The following PPP1R12B variants were observed in gnomAD, a reference collection of about 807,000 sequenced individuals.
PPP1R12B encodes the protein myosin phosphatase target subunit 2.
A neutral mutation model predicts 126.1 loss-of-function variants in PPP1R12B; 76 were observed. The observed-to-expected ratio is 0.60, with a 90% confidence interval of 0.50 to 0.73. The LOEUF (loss-of-function observed/expected upper bound fraction) is 0.73. Among genes scored for constraint, PPP1R12B ranks in the 30% least tolerant of loss-of-function variants. The probability of loss-of-function intolerance (pLI) is 0.00; values close to 1 mark genes in which losing one functional copy is unlikely to be tolerated. For missense variants in PPP1R12B, 1,052 were observed against 1,205.1 expected, an observed-to-expected ratio of 0.87 and a Z score of 1.88; for synonymous variants, 356 against 434.7, an observed-to-expected ratio of 0.82 and a Z score of 2.25.
chr1:202,417,062 A>G (rs1270464521), intron 2 of PPP1R12B, 145 bp downstream of exon 2: 6 of 1,129,672 alleles, frequency 5.3e-6, no homozygotes, highest in Non-Finnish European at 5.8e-6. Flanking sequence ...AATTATCTTT[A>G]AGCCATAACT....
At chr1:202,521,633 A>G (rs1384285471) in intron 18 of PPP1R12B, among the ~76,000 whole-genome samples, 1 of 152,224 alleles carries the variant, frequency 6.6e-6, no homozygotes, top group Non-Finnish European at 1.5e-5. Flanking sequence ...TTACAGAATT[A>G]GGAAATAGAA....
Position 202,348,755 on chromosome 1 carries a change from C to CAGA in PPP1R12B, c.-97_-96insAGA. On this transcript the variant is annotated 5_prime_UTR_variant, in exon 1 of 24. Coordinates refer to ENST00000608999, the MANE Select transcript of PPP1R12B (RefSeq NM_002481.4). ...GCGCGAGGGTCTCCGCCCTCTGCTC[C>CAGA]GGGCTGAAGCGCTCTGAGAGAGGCG... 7.0e-7 allele frequency: 1 copy of CAGA among 1,431,756 alleles called. No individual in the cohort carries two copies. Among genetic ancestry groups the CAGA allele is most frequent in the Non-Finnish European group, 9.3e-7 (1 of 1,078,998 alleles). The allele number at this position is 1,431,756 out of a possible 1,614,324, so 88.7% of individuals were successfully genotyped here.
chr1:202,570,393 G>T (rs1688478706), intron 23 of PPP1R12B, among the ~76,000 whole-genome samples: 1 of 152,066 alleles, frequency 6.6e-6, no homozygotes, highest in African/African-American at 2.4e-5. Flanking sequence ...TATAATTCCA[G>T]AATGAAGGAG....
chr1:202,541,342 G>T (rs1326281642), intron 18 of PPP1R12B, among the ~76,000 whole-genome samples: 2 of 152,148 alleles, frequency 1.3e-5, no homozygotes, highest in Non-Finnish European at 2.9e-5. Flanking sequence ...CTCAGCTAGG[G>T]ATGAGAATAC....
At chr1:202,389,849 C>G (rs185443772) in intron 1 of PPP1R12B, among the ~76,000 whole-genome samples, 1 of 151,218 alleles carries the variant, frequency 6.6e-6, no homozygotes, top group Admixed American at 6.6e-5. Flanking sequence ...ATTGCTTGAG[C>G]CTGGGAGGCG....
intron 1 of PPP1R12B, among the ~76,000 whole-genome samples, chr1:202,372,181 A>T (rs1189955012): frequency 1.3e-5 from 2 of 151,672 alleles, no homozygotes; most frequent in African/African-American, 4.8e-5. Flanking sequence ...CCTTCATTAT[A>T]TTTTCCAATC....
intron 1 of PPP1R12B, among the ~76,000 whole-genome samples, chr1:202,355,354 A>C (rs578244316): frequency 2.4e-4 from 36 of 152,324 alleles, no homozygotes; most frequent in African/African-American, 7.9e-4. Flanking sequence ...CAGGTTTGGA[A>C]ACAGATAAAT....
chr1:202,556,821 T>C (rs1687003860), intron 18 of PPP1R12B, among the ~76,000 whole-genome samples: 1 of 152,190 alleles, frequency 6.6e-6, no homozygotes, highest in Non-Finnish European at 1.5e-5. Flanking sequence ...TGCTTTACAT[T>C]TGCTGGTATG....
chr1:202,588,358 G>A lies in PPP1R12B; in HGVS notation c.*7798G>A, dbSNP rs946152120. On this transcript the variant is annotated 3_prime_UTR_variant, in exon 24 of 24. Coordinates refer to ENST00000608999, the MANE Select transcript of PPP1R12B (RefSeq NM_002481.4). Reference sequence around the variant, plus strand: ...GGTTGGGGTTGTTTAGGGAGAAGCAGCCAGACTTGCTTTGTGAACTGAATG... The same window carrying A: ...GGTTGGGGTTGTTTAGGGAGAAGCAACCAGACTTGCTTTGTGAACTGAATG... The A allele has an allele frequency of 6.6e-6, 1 of 152,624 alleles. No individual in the cohort carries two copies. Among genetic ancestry groups the A allele is most frequent in the Admixed American group, 6.5e-5 (1 of 15,280 alleles). The allele number at this position is 152,624 out of a possible 1,614,324, so 9.5% of individuals were successfully genotyped here.
intron 2 of PPP1R12B, among the ~76,000 whole-genome samples, chr1:202,420,967 CTTTTT>C (rs56164548): frequency 7.6e-5 from 9 of 118,546 alleles, no homozygotes; most frequent in Admixed American, 2.0e-4. Flanking sequence ...CCTCTGCCAA[CTTTTT>C]TTTTTTTTTT....
chr1:202,392,208 A>C (rs1664237290), intron 1 of PPP1R12B, among the ~76,000 whole-genome samples: 1 of 152,294 alleles, frequency 6.6e-6, no homozygotes, highest in Admixed American at 6.5e-5. Context: ...CATTATTCAT[A>C]ATAACCAAAG....
At chr1:202,415,080 G>A (rs1294098021) in intron 1 of PPP1R12B, among the ~76,000 whole-genome samples, 1 of 152,048 alleles carries the variant, frequency 6.6e-6, no homozygotes, top group Non-Finnish European at 1.5e-5. Flanking sequence ...TGCCTGGCCC[G>A]AGGTGCTTTT....
At chr1:202,537,192 C>T (rs1450614812) in intron 18 of PPP1R12B, among the ~76,000 whole-genome samples, 1 of 151,728 alleles carries the variant, frequency 6.6e-6, no homozygotes, top group African/African-American at 2.4e-5. Context: ...ACTAAAAATA[C>T]AAAAAAAGAA....
At chr1:202,377,839 T>TC (rs1338661393) in intron 1 of PPP1R12B, among the ~76,000 whole-genome samples, 2 of 46,212 alleles carry the variant, frequency 4.3e-5, no homozygotes, top group Non-Finnish European at 1.2e-4. Flanking sequence ...GGTGTTTTTT[T>TC]TTTTTTTTTT....
chr1:202,439,676 C>T, intron 10 of PPP1R12B: 1 of 648,192 alleles, frequency 1.5e-6, no homozygotes, highest in Non-Finnish European at 2.8e-6. Context: ...CCCCCTTCTC[C>T]AAGTTGGAGG....
At chr1:202,541,091 G>A (rs1685078517) in intron 18 of PPP1R12B, among the ~76,000 whole-genome samples, 1 of 152,138 alleles carries the variant, frequency 6.6e-6, no homozygotes, top group African/African-American at 2.4e-5. Context: ...TAGGTAGCAG[G>A]CAATATAACA....
chr1:202,375,933 C>T (rs2148468290), intron 1 of PPP1R12B, among the ~76,000 whole-genome samples: 1 of 152,304 alleles, frequency 6.6e-6, no homozygotes, highest in African/African-American at 2.4e-5. Flanking sequence ...GGTCAATACA[C>T]TTTAGGCTCT....
chr1:202,487,968 AT>A (rs964326587), intron 13 of PPP1R12B, among the ~76,000 whole-genome samples: 3 of 152,152 alleles, frequency 2.0e-5, no homozygotes, highest in African/African-American at 7.2e-5. Context: ...TATAAATACT[AT>A]TTTTTCCTAT....
At position 202,440,688 on chromosome 1, in the gene PPP1R12B, C is replaced by T; in HGVS notation, c.1459-18C>T. The T allele has an allele frequency of 6.3e-7, 1 of 1,592,846 alleles. No homozygotes were observed. Among genetic ancestry groups the T allele is most frequent in the Non-Finnish European group, 8.6e-7 (1 of 1,161,418 alleles). ...AGTATTGTACCTTTCTTGTGCTTTA[C>T]TTGTTTTTATTTTACAGGAGAGAGA... On this transcript the variant is annotated intron_variant, in intron 10 of 23. Transcript: ENST00000608999.
Sources: gnomAD v4.1 joint callset for allele counts (sites outside exome capture counted in the v4.1 genomes callset) on GRCh38, gnomAD v4.1.1 for gene constraint, MANE v1.5 for transcripts, NCBI Gene and HGNC (gene_info 2026-07-23, HGNC 2026-07-21) for gene names.